The following KLHL2 variants were observed in gnomAD, a reference collection of about 807,000 sequenced individuals.
KLHL2 encodes the protein kelch-like protein 2.
KLHL2 carries 15 observed loss-of-function variants against 75.8 expected under a neutral mutation model. The observed-to-expected ratio is 0.20, with a 90% confidence interval of 0.13 to 0.30. The LOEUF is 0.30. Among genes scored for constraint, KLHL2 ranks in the 10% least tolerant of loss-of-function variants. The probability of loss-of-function intolerance (pLI) is 1.00; values close to 1 mark genes in which losing one functional copy is unlikely to be tolerated. For synonymous variants in KLHL2, 214 were observed against 251.9 expected (o/e 0.85, Z 1.42); for missense variants, 381 against 741.0 (o/e 0.51, Z 5.64).
intron 5 of KLHL2, among the ~76,000 whole-genome samples, chr4:165,288,673 AG>A: frequency 6.6e-6 from 1 of 152,282 alleles, no homozygotes; most frequent in East Asian, 1.9e-4. Flanking sequence ...AGTTGTTAAA[AG>A]CAGTGCTACA....
At chr4:165,227,055 T>C (rs1738497919) in intron 2 of KLHL2, among the ~76,000 whole-genome samples, 1 of 152,198 alleles carries the variant, frequency 6.6e-6, no homozygotes, top group African/African-American at 2.4e-5. Flanking sequence ...TGTGAACCCA[T>C]AGAATTCATA....
intron 5 of KLHL2, among the ~76,000 whole-genome samples, chr4:165,264,016 CCTTG>C (rs2111239130): frequency 6.6e-6 from 1 of 151,874 alleles, no homozygotes; most frequent in African/African-American, 2.4e-5. Flanking sequence ...TTCAAGGAGC[CCTTG>C]CTTTAGCTGC....
At chr4:165,245,998 G>A (rs17585515) in intron 4 of KLHL2, among the ~76,000 whole-genome samples, 30,448 of 152,064 alleles carry the variant, frequency 0.2, 3,749 homozygotes, top group Non-Finnish European at 0.29. Context: ...GATAGATAAG[G>A]TCCCTGTCTT....
At chr4:165,219,669 C>A (rs1019315806) in intron 1 of KLHL2, 69 of 1,200,390 alleles carry the variant, frequency 5.7e-5, no homozygotes, top group Middle Eastern at 6.7e-4. Context: ...TCTGCTAAGC[C>A]ACTTCTGCTG....
chr4:165,306,443 G>A (rs536250982), intron 9 of KLHL2, among the ~76,000 whole-genome samples: 1 of 152,316 alleles, frequency 6.6e-6, no homozygotes, highest in South Asian at 2.1e-4. Flanking sequence ...TATAAACAAT[G>A]CTACAACAAA....
intron 4 of KLHL2, among the ~76,000 whole-genome samples, chr4:165,260,525 A>G (rs902799227): frequency 2.6e-5 from 4 of 152,204 alleles, no homozygotes; most frequent in African/African-American, 9.7e-5. Flanking sequence ...TGAAATCAAT[A>G]AAGCAAAATG....
At chr4:165,255,868 TTA>T (rs1741126072) in intron 4 of KLHL2, among the ~76,000 whole-genome samples, 1 of 152,046 alleles carries the variant, frequency 6.6e-6, no homozygotes, top group African/African-American at 2.4e-5. Flanking sequence ...TATTTAGAAG[TTA>T]TATATATGTG....
chr4:165,270,635 G>A (rs1332258063), intron 5 of KLHL2, among the ~76,000 whole-genome samples: 1 of 152,136 alleles, frequency 6.6e-6, no homozygotes, highest in Non-Finnish European at 1.5e-5. Context: ...GTTTGCCTGG[G>A]TATCACCAGC....
intron 2 of KLHL2, among the ~76,000 whole-genome samples, chr4:165,226,765 C>T (rs538168432): frequency 2.0e-5 from 3 of 151,990 alleles, no homozygotes; most frequent in South Asian, 2.1e-4. Flanking sequence ...ATTTCTCTTT[C>T]TTGTTTTATT....
chr4:165,258,947 CA>C (rs1741425797), intron 4 of KLHL2, among the ~76,000 whole-genome samples: 1 of 152,168 alleles, frequency 6.6e-6, no homozygotes, highest in Admixed American at 6.5e-5. Context: ...CTATATTCTA[CA>C]AGTGCTGATG....
intron 5 of KLHL2, chr4:165,279,752 G>A (rs977951212): frequency 6.5e-5 from 54 of 833,984 alleles, no homozygotes; most frequent in Non-Finnish European, 1.1e-4. Flanking sequence ...GCGCGAGTCC[G>A]CTGAACTAGC....
At chr4:165,270,824 C>T (rs1179997953) in intron 5 of KLHL2, among the ~76,000 whole-genome samples, 1 of 152,218 alleles carries the variant, frequency 6.6e-6, no homozygotes, top group East Asian at 1.9e-4. Flanking sequence ...GGAGCTCAAA[C>T]GCCATGCTGA....
chr4:165,310,197 C>T (rs929778932), intron 9 of KLHL2, among the ~76,000 whole-genome samples: 4 of 152,016 alleles, frequency 2.6e-5, no homozygotes, highest in Non-Finnish European at 4.4e-5. Context: ...TGGTGGCGGG[C>T]GCCTGTAGTC....
chr4:165,213,706 C>T (rs1332473048), intron 1 of KLHL2, among the ~76,000 whole-genome samples: 1 of 152,190 alleles, frequency 6.6e-6, no homozygotes, highest in African/African-American at 2.4e-5. Flanking sequence ...TCTTACCCTT[C>T]TTAGTACATG....
Position 165,250,620 on chromosome 4 carries a change from T to C in KLHL2, c.381+11721T>C, listed in dbSNP as rs141912553. Among the ~76,000 whole-genome samples the C allele has an allele frequency of 3.3e-5, 5 of 152,358 alleles. No individual in the cohort carries two copies. In the East Asian group the frequency reaches 9.6e-4, roughly 29 times the overall value. On this transcript the variant is annotated intron_variant, in intron 4 of 14. Transcript: ENST00000226725. ...CTCAGCTATTAAATGAGGCCAACAG[T>C]GCTTTGCCACTGCATTGAAATCGTG...
chr4:165,313,876 C>T, intron 12 of KLHL2, 150 bp from the exon 13 acceptor site: 4 of 659,314 alleles, frequency 6.1e-6, no homozygotes, highest in Non-Finnish European at 9.8e-6. Flanking sequence ...TATTGATTTC[C>T]ATTTCTTAAA....
At chr4:165,259,722 T>A (rs1460993659) in intron 4 of KLHL2, among the ~76,000 whole-genome samples, 1 of 152,212 alleles carries the variant, frequency 6.6e-6, no homozygotes, top group African/African-American at 2.4e-5. Context: ...AAAAGGACAG[T>A]GTTGGAGATT....
At chr4:165,255,486 G>T (rs1337372387) in intron 4 of KLHL2, among the ~76,000 whole-genome samples, 1 of 152,182 alleles carries the variant, frequency 6.6e-6, no homozygotes, top group East Asian at 1.9e-4. Flanking sequence ...TGCATGTGGG[G>T]TACAGGAAAG....
chr4:165,308,056 A>G (rs1396475136), intron 9 of KLHL2, among the ~76,000 whole-genome samples: 2 of 152,202 alleles, frequency 1.3e-5, no homozygotes, highest in African/African-American at 2.4e-5. Flanking sequence ...CTATTCATGC[A>G]TCAAGACAAA....
Sources: allele counts gnomAD v4.1 joint callset (sites outside exome capture counted in the v4.1 genomes callset), GRCh38; gene constraint gnomAD v4.1.1; transcripts MANE v1.5; gene names NCBI Gene and HGNC (gene_info 2026-07-23, HGNC 2026-07-21).